The following GBE1 variants were observed in gnomAD, a reference collection of about 807,000 sequenced individuals.
GBE1 encodes 1,4-alpha-glucan-branching enzyme.
GBE1 carries 70 observed loss-of-function variants against 88.8 expected under a neutral mutation model. The ratio of observed to expected loss-of-function variants is 0.79; its 90% CI spans 0.65 to 0.96. The LOEUF (loss-of-function observed/expected upper bound fraction) is 0.96, where lower values mean the gene tolerates loss of function less well. Ranked by LOEUF, GBE1 falls within the 40% of genes least tolerant of loss-of-function variation. The pLI is 0.00. For missense variants in GBE1, 872 were observed against 871.0 expected, an observed-to-expected ratio of 1.00 and a Z score of -0.01; for synonymous variants, 284 against 300.1, an observed-to-expected ratio of 0.95 and a Z score of 0.56.
At chr3:81,571,372 CA>C in intron 12 of GBE1, among the ~76,000 whole-genome samples, 1 of 152,106 alleles carries the variant, frequency 6.6e-6, no homozygotes, top group South Asian at 2.1e-4. Context: ...GTTAACATCT[CA>C]TGTCATGGGG....
At chr3:81,587,646 G>T (rs1242673560) in intron 9 of GBE1, among the ~76,000 whole-genome samples, 4 of 152,060 alleles carry the variant, frequency 2.6e-5, no homozygotes, top group Admixed American at 6.6e-5. Flanking sequence ...ATCCATGAGG[G>T]CAAGAGTTTA....
At chr3:81,666,829 A>G (rs1042991591) in intron 3 of GBE1, among the ~76,000 whole-genome samples, 1 of 152,204 alleles carries the variant, frequency 6.6e-6, no homozygotes, top group African/African-American at 2.4e-5. Context: ...TTTTAGCCTT[A>G]TGATTTTAAT....
At chr3:81,519,313 A>G (rs1010787654) in intron 14 of GBE1, among the ~76,000 whole-genome samples, 1 of 151,510 alleles carries the variant, frequency 6.6e-6, no homozygotes, top group Non-Finnish European at 1.5e-5. Context: ...AAATTCAACT[A>G]TTTATACCTC....
intron 7 of GBE1, among the ~76,000 whole-genome samples, chr3:81,599,638 G>T (rs1704006147): frequency 6.6e-6 from 1 of 152,122 alleles, no homozygotes; most frequent in Admixed American, 6.5e-5. Context: ...ATCATCTTAT[G>T]AGATCACCAT....
At chr3:81,508,637 A>G (rs1158497887) in intron 14 of GBE1, among the ~76,000 whole-genome samples, 1 of 152,182 alleles carries the variant, frequency 6.6e-6, no homozygotes, top group Non-Finnish European at 1.5e-5. Context: ...AACAGCCTTC[A>G]ATGCAGTCAA....
At chr3:81,567,873 T>C (rs1703513568) in intron 12 of GBE1, among the ~76,000 whole-genome samples, 2 of 152,020 alleles carry the variant, frequency 1.3e-5, no homozygotes, top group Non-Finnish European at 2.9e-5. Context: ...TTCATATGAC[T>C]CTCTTTAAAA....
intron 12 of GBE1, among the ~76,000 whole-genome samples, chr3:81,549,792 AG>A (rs1703249684): frequency 6.6e-6 from 1 of 151,690 alleles, no homozygotes; most frequent in Admixed American, 6.6e-5. Flanking sequence ...ACAAATAAAC[AG>A]GCCAAGTATA....
At position 81,710,106 on chromosome 3, in the gene GBE1, T is replaced by C. The variant is rs576480772; in HGVS notation, c.144-4493A>G. Reference sequence around the variant, plus strand: ...AAATTGTCCAAGATCAAGAAGGTAATAAGCAATAAGGACATCACACATCAT... The same window carrying C: ...AAATTGTCCAAGATCAAGAAGGTAACAAGCAATAAGGACATCACACATCAT... On this transcript the variant is annotated intron_variant, in intron 1 of 15. Coordinates refer to ENST00000429644, the MANE Select transcript of GBE1 (RefSeq NM_000158.4). 9.9e-5 allele frequency among the ~76,000 whole-genome samples: 15 copies of C among 151,974 alleles called. No individual in the cohort carries two copies. In the East Asian group the frequency reaches 2.1e-3, roughly 22 times the overall value.
At chr3:81,584,644 T>G (rs987457716) in intron 10 of GBE1, among the ~76,000 whole-genome samples, 5 of 151,632 alleles carry the variant, frequency 3.3e-5, no homozygotes, top group Non-Finnish European at 5.9e-5. Flanking sequence ...GATAAAATAT[T>G]TTTCTATTTG....
At position 81,603,202 on chromosome 3, in the gene GBE1, T is replaced by C. The variant is rs115252577; in HGVS notation, c.993-9179A>G. On this transcript the variant is annotated intron_variant, in intron 7 of 15. Transcript: ENST00000429644. ...AAAGCCTGTCAAGCAATCCTAGGAA[T>C]TGCTTATAATTCATTAAATATACAT... 5.9e-3 allele frequency among the ~76,000 whole-genome samples: 899 copies of C among 152,266 alleles called. 6 individuals carry two copies. Among genetic ancestry groups the C allele is most frequent in the African/African-American group, 0.017 (710 of 41,548 alleles).
chr3:81,591,207 C>A (rs1319478514), intron 8 of GBE1, 43 bp from the exon 9 acceptor site: 1 of 1,474,020 alleles, frequency 6.8e-7, no homozygotes, highest in South Asian at 1.3e-5. Context: ...TGTTAACAAG[C>A]AAGTCTTAAC....
intron 3 of GBE1, 36 bp downstream of exon 3, chr3:81,670,802 G>T (rs989318903): frequency 4.5e-6 from 5 of 1,123,352 alleles, no homozygotes; most frequent in African/African-American, 1.7e-5. Flanking sequence ...AAAAGAAAAT[G>T]ATAAGTTCAA....
At chr3:81,496,922 G>C (rs930336208) in intron 15 of GBE1, among the ~76,000 whole-genome samples, 1 of 152,282 alleles carries the variant, frequency 6.6e-6, no homozygotes, top group South Asian at 2.1e-4. Context: ...GCTGGGAAGA[G>C]AGAGCTAGCC....
intron 14 of GBE1, among the ~76,000 whole-genome samples, chr3:81,531,743 T>C (rs1490581623): frequency 6.6e-6 from 1 of 152,080 alleles, no homozygotes; most frequent in East Asian, 1.9e-4. Context: ...TCCTTTCTTG[T>C]GTACCCCATG....
At chr3:81,643,744 C>T (rs1033995281) in intron 6 of GBE1, among the ~76,000 whole-genome samples, 1 of 152,146 alleles carries the variant, frequency 6.6e-6, no homozygotes, top group African/African-American at 2.4e-5. Context: ...TACTATCAGG[C>T]TCCTCATGAT....
intron 2 of GBE1, among the ~76,000 whole-genome samples, chr3:81,680,817 G>A (rs1369051380): frequency 6.6e-6 from 1 of 152,210 alleles, no homozygotes; most frequent in African/African-American, 2.4e-5. Context: ...TCTGTCTCTT[G>A]GTCATGTGAG....
At chr3:81,721,230 AAT>A (rs1245740696) in intron 1 of GBE1, among the ~76,000 whole-genome samples, 1 of 103,884 alleles carries the variant, frequency 9.6e-6, no homozygotes, top group Non-Finnish European at 1.8e-5. Flanking sequence ...TAAATAAATA[AAT>A]AAAAACACAT....
At chr3:81,704,858 CTT>C (rs1553692845) in intron 2 of GBE1, among the ~76,000 whole-genome samples, 1 of 152,096 alleles carries the variant, frequency 6.6e-6, no homozygotes, top group Non-Finnish European at 1.5e-5. Context: ...AGAAACCTGA[CTT>C]TGCTTTCCAT....
At chr3:81,648,118 T>C (rs1206925937) in intron 5 of GBE1, among the ~76,000 whole-genome samples, 2 of 152,160 alleles carry the variant, frequency 1.3e-5, no homozygotes. Flanking sequence ...CTGAAAACTT[T>C]AACCATGCCT....
Sources: allele counts gnomAD v4.1 joint callset (sites outside exome capture counted in the v4.1 genomes callset), GRCh38; gene constraint gnomAD v4.1.1; transcripts MANE v1.5; gene names NCBI Gene and HGNC (gene_info 2026-07-23, HGNC 2026-07-21).